The following PNPT1 variants were observed in gnomAD, a reference collection of about 807,000 sequenced individuals.
The protein encoded by PNPT1 is polyribonucleotide nucleotidyltransferase 1.
A neutral mutation model predicts 119.5 loss-of-function variants in PNPT1; 53 were observed. That is an observed-to-expected ratio of 0.44 (90% CI 0.36 to 0.56). PNPT1 has a LOEUF of 0.56. PNPT1 is among the 20% of genes least tolerant of loss of function. PNPT1 has a pLI of 0.00. For synonymous variants in PNPT1, 357 were observed against 322.1 expected (o/e 1.11, Z -1.16); for missense variants, 948 against 938.5 (o/e 1.01, Z -0.13).
At chr2:55,693,612 G>A (rs753582460) in intron 1 of PNPT1, 51 bp downstream of exon 1, 2 of 1,599,784 alleles carry the variant, frequency 1.3e-6, no homozygotes, top group Non-Finnish European at 1.7e-6. Context: ...CGCTCAAGCT[G>A]GCTGGACAAG....
intron 14 of PNPT1, 87 bp downstream of exon 14, chr2:55,661,869 A>G: frequency 8.1e-7 from 1 of 1,230,354 alleles, no homozygotes; most frequent in East Asian, 3.0e-5. Flanking sequence ...TAAAAAAAGT[A>G]ACAATAATTA....
At position 55,660,213 on chromosome 2, in the gene PNPT1, T is replaced by C. The variant is rs770273029; in HGVS notation, c.1248-20A>G. ...ATCCCACTAAAAATAAAAGGCATAA[T>C]ATTAAAAACATCATAGGGAAAAAAC... On this transcript the variant is annotated intron_variant, in intron 14 of 27. Coordinates refer to ENST00000447944, the MANE Select transcript of PNPT1 (RefSeq NM_033109.5). 1.4e-5 allele frequency: 22 copies of C among 1,573,296 alleles called. No homozygotes were observed. Among genetic ancestry groups the C allele is most frequent in the Admixed American group, 3.6e-5 (2 of 55,760 alleles).
intron 21 of PNPT1, 67 bp downstream of exon 21, chr2:55,646,192 A>C (rs1021370819): frequency 7.1e-7 from 1 of 1,409,054 alleles, no homozygotes; most frequent in Admixed American, 2.1e-5. Context: ...AATAAGCCTA[A>C]TGAGAACTAT....
At chr2:55,645,644 C>T (rs999639089) in intron 21 of PNPT1, among the ~76,000 whole-genome samples, 2 of 152,194 alleles carry the variant, frequency 1.3e-5, no homozygotes, top group Non-Finnish European at 2.9e-5. Context: ...TGAAATTTCA[C>T]TGGTAACCCA....
intron 11 of PNPT1, among the ~76,000 whole-genome samples, chr2:55,671,115 G>A (rs1253513033): frequency 1.3e-5 from 2 of 152,110 alleles, no homozygotes; most frequent in Non-Finnish European, 2.9e-5. Flanking sequence ...TGAACCTTGG[G>A]TTAGAAGAAG....
chr2:55,643,187 T>C lies in PNPT1; in HGVS notation c.2040A>G (p.Ala680=), dbSNP rs779398588. Residue 680 remains alanine, a synonymous_variant, in exon 25 of 28, where the codon GCA becomes GCG. Transcript: ENST00000447944. The part of the protein sequence containing the change: ...DDQEQQLEFG[A]VYTATITEIR... ...TTTCAGTTATTGTGGCGGTATATAC[T>C]GCTCCAAATTCTAATTGCTGCTCCT... 6.2e-7 allele frequency: 1 copy of C among 1,614,198 alleles called. No individual in the cohort carries two copies.
chr2:55,679,849 G>A, intron 7 of PNPT1, 54 bp from the exon 8 acceptor site: 1 of 1,238,300 alleles, frequency 8.1e-7, no homozygotes, highest in Non-Finnish European at 1.2e-6. Context: ...CAGTTTTCAA[G>A]ACATTATTCC....
chr2:55,683,567 C>T (rs547478566), intron 5 of PNPT1, among the ~76,000 whole-genome samples: 148 of 145,724 alleles, frequency 1.0e-3, no homozygotes, highest in African/African-American at 3.6e-3. Flanking sequence ...GAGCTGAGAT[C>T]GTGCCATTGC....
At chr2:55,677,757 T>A (rs1331837283) in intron 8 of PNPT1, among the ~76,000 whole-genome samples, 1 of 151,794 alleles carries the variant, frequency 6.6e-6, no homozygotes, top group Non-Finnish European at 1.5e-5. Context: ...GTTTGTTTTT[T>A]GAGACAGAGT....
chr2:55,692,332 G>T (rs1697643238), intron 1 of PNPT1, among the ~76,000 whole-genome samples: 1 of 152,108 alleles, frequency 6.6e-6, no homozygotes, highest in Non-Finnish European at 1.5e-5. Flanking sequence ...CAAGAAAATG[G>T]TGAATTAACC....
intron 9 of PNPT1, among the ~76,000 whole-genome samples, 188 bp from the exon 10 acceptor site, chr2:55,672,234 A>T (rs1259494424): frequency 6.6e-6 from 1 of 152,146 alleles, no homozygotes; most frequent in Non-Finnish European, 1.5e-5. Flanking sequence ...ATAGAACACA[A>T]ATTTCTTTCT....
At chr2:55,639,344 T>G (rs551358352) in intron 26 of PNPT1, among the ~76,000 whole-genome samples, 3 of 152,252 alleles carry the variant, frequency 2.0e-5, no homozygotes, top group Admixed American at 2.0e-4. Flanking sequence ...ACTCTAATTA[T>G]CCTCTCCAAA....
chr2:55,655,833 G>A lies in PNPT1; in HGVS notation c.1441+298C>T, dbSNP rs10460552. On this transcript the variant is annotated intron_variant, in intron 17 of 27. Coordinates refer to ENST00000447944, the MANE Select transcript of PNPT1 (RefSeq NM_033109.5). ...CCTGCCTAATGATCACTCTATTTTG[G>A]CCCTTCCTCTCTCTGTTAACCTTGT... Among the ~76,000 whole-genome samples, 20 of 152,128 alleles carry A rather than the reference G, an allele frequency of 1.3e-4. No individual in the cohort carries two copies. In the East Asian group the frequency reaches 3.9e-3, roughly 29 times the overall value.
At position 55,661,162 on chromosome 2, in the gene PNPT1, A is replaced by G. The variant is rs1050145855; in HGVS notation, c.1247+794T>C. 2.4e-5 allele frequency among the ~76,000 whole-genome samples: 3 copies of G among 125,726 alleles called. No individual in the cohort carries two copies. The East Asian group carries it at 7.1e-4, about 30-fold the overall frequency. 82.5% of individuals were successfully genotyped at this position (125,726 alleles called of 152,430 possible). A position where few individuals can be genotyped will look rare whatever the true frequency, so the allele number is the denominator to read the frequency against. Reference sequence around the variant, plus strand: ...GTCCAGGCTGGAGCGCAGTGGTGTGATCTCACTGCAACCTCCACCTCCTGG... The same window carrying G: ...GTCCAGGCTGGAGCGCAGTGGTGTGGTCTCACTGCAACCTCCACCTCCTGG... On this transcript the variant is annotated intron_variant, in intron 14 of 27. Transcript: ENST00000447944.
Position 55,693,693 on chromosome 2 carries a change from G to A in PNPT1, c.131C>T (p.Ser44Phe), listed in dbSNP as rs757078551. 1.2e-6 allele frequency: 2 copies of A among 1,614,110 alleles called. No individual in the cohort carries two copies. The highest frequency in any genetic ancestry group is 1.3e-5 in the African/African-American group (1 of 74,944). ...QVRALWSSAG[S>F]RAVAVDLGNR... Reference sequence around the variant, plus strand: ...GCCTAAGTCCACGGCCACAGCTCGAGACCCTGCGCTACTCCATAGTGCTCG... The same window carrying A: ...GCCTAAGTCCACGGCCACAGCTCGAAACCCTGCGCTACTCCATAGTGCTCG... The change falls in exon 1 of 28, where the codon TCT becomes TTT. Residue 44 changes from serine (S) to phenylalanine (F), a missense_variant. Transcript: ENST00000447944.
intron 15 of PNPT1, among the ~76,000 whole-genome samples, chr2:55,659,246 T>C (rs1396067767): frequency 1.3e-5 from 2 of 152,210 alleles, no homozygotes; most frequent in African/African-American, 4.8e-5. Context: ...TGAGCTACCA[T>C]GCCCTGCTCT....
intron 18 of PNPT1, among the ~76,000 whole-genome samples, chr2:55,653,735 G>C (rs887330757): frequency 2.0e-5 from 3 of 151,726 alleles, no homozygotes; most frequent in Non-Finnish European, 2.9e-5. Context: ...TTTTTGCTTT[G>C]GCCTGTTTTT....
chr2:55,673,886 C>T (rs1471936719), intron 8 of PNPT1, among the ~76,000 whole-genome samples: 1 of 152,086 alleles, frequency 6.6e-6, no homozygotes, highest in Non-Finnish European at 1.5e-5. Flanking sequence ...CTACATCCAG[C>T]TAATTTTTGT....
intron 19 of PNPT1, 111 bp downstream of exon 19, chr2:55,647,236 C>G: frequency 1.3e-6 from 1 of 794,032 alleles, no homozygotes; most frequent in East Asian, 2.8e-5. Flanking sequence ...TAAGCATACG[C>G]TAGGTGCAAA....
Sources: allele counts gnomAD v4.1 joint callset (sites outside exome capture counted in the v4.1 genomes callset), GRCh38; gene constraint gnomAD v4.1.1; transcripts MANE v1.5; gene names NCBI Gene and HGNC (gene_info 2026-07-23, HGNC 2026-07-21).